Variants in LRRTM4 observed in about 807,000 individuals in gnomAD.
LRRTM4 encodes leucine-rich repeat transmembrane neuronal protein 4.
Under a neutral mutation model 47.6 loss-of-function variants are expected in LRRTM4, and 25 were observed. That is an observed-to-expected ratio of 0.53 (90% CI 0.38 to 0.73). LRRTM4 has a LOEUF of 0.73. Among genes scored for constraint, LRRTM4 ranks in the 30% least tolerant of loss-of-function variants. The pLI is 0.00. For missense variants in LRRTM4, 638 were observed against 713.4 expected, an observed-to-expected ratio of 0.89 and a Z score of 1.20; for synonymous variants, 311 against 269.5, an observed-to-expected ratio of 1.15 and a Z score of -1.51.
chr2:77,058,982 A>G (rs1332123683), intron 3 of LRRTM4, among the ~76,000 whole-genome samples: 3 of 152,130 alleles, frequency 2.0e-5, no homozygotes, highest in East Asian at 1.9e-4. Context: ...GAAATAACCA[A>G]TTTCTAAGTG....
intron 3 of LRRTM4, among the ~76,000 whole-genome samples, chr2:77,152,682 C>A (rs1259618808): frequency 6.6e-6 from 1 of 152,084 alleles, no homozygotes; most frequent in Non-Finnish European, 1.5e-5. Flanking sequence ...AATTATACTT[C>A]AAGGGTTTTC....
At chr2:77,008,963 C>G (rs1367085251) in intron 3 of LRRTM4, 3 of 131,054 alleles carry the variant, frequency 2.3e-5, no homozygotes, top group African/African-American at 8.8e-5. Flanking sequence ...AAAAAAAAAA[C>G]GATGAAATGC....
chr2:76,775,614 T>C (rs1673935610), intron 3 of LRRTM4, among the ~76,000 whole-genome samples: 2 of 152,280 alleles, frequency 1.3e-5, no homozygotes, highest in South Asian at 4.1e-4. Context: ...TGTTTATCTT[T>C]TACCATCAAG....
chr2:77,520,480 G>T (rs1184265991), intron 2 of LRRTM4, among the ~76,000 whole-genome samples: 1 of 152,068 alleles, frequency 6.6e-6, no homozygotes, highest in East Asian at 1.9e-4. Flanking sequence ...ACTAATAACG[G>T]TACGAGGTGC....
intron 3 of LRRTM4, among the ~76,000 whole-genome samples, chr2:77,265,945 T>TA: frequency 6.6e-6 from 1 of 152,324 alleles, no homozygotes; most frequent in South Asian, 2.1e-4. Flanking sequence ...AGCATAACAT[T>TA]ACTTGTTGAA....
At position 77,518,621 on chromosome 2, in the gene LRRTM4, C is replaced by CCAGGAT; in HGVS notation, c.1247_1248insATCCTG (p.Glu416_Tyr417insSerTrp). 1 of 1,613,400 alleles carries CCAGGAT rather than the reference C, an allele frequency of 6.2e-7. No homozygotes were observed. Among genetic ancestry groups the CCAGGAT allele is most frequent in the Non-Finnish European group, 8.5e-7 (1 of 1,179,636 alleles). ...TTTTGTGAAATGAAACATGCTCATACTCTTGCTCTGCGCCAGGAATCTGAA... is the reference window on the plus strand; with the variant it reads ...TTTTGTGAAATGAAACATGCTCATACCAGGATTCTTGCTCTGCGCCAGGAATCTGAA... On this transcript the variant is annotated inframe_insertion, in exon 3 of 4. Transcript: ENST00000409884.
At chr2:77,151,585 T>C (rs1672432395) in intron 3 of LRRTM4, among the ~76,000 whole-genome samples, 1 of 152,216 alleles carries the variant, frequency 6.6e-6, no homozygotes, top group Non-Finnish European at 1.5e-5. Context: ...TACAGTGGAA[T>C]ATTATTCAGC....
intron 3 of LRRTM4, among the ~76,000 whole-genome samples, chr2:76,806,274 C>G (rs1342617519): frequency 6.6e-6 from 1 of 152,122 alleles, no homozygotes; most frequent in East Asian, 1.9e-4. Context: ...ACATCTTAAA[C>G]CAGATGCATA....
intron 3 of LRRTM4, among the ~76,000 whole-genome samples, chr2:77,097,242 T>A (rs1670835265): frequency 6.6e-6 from 1 of 151,962 alleles, no homozygotes. Flanking sequence ...AAATTATTAA[T>A]AATTATAATT....
chr2:77,512,891 T>C (rs572605477), intron 3 of LRRTM4, among the ~76,000 whole-genome samples: 52 of 152,094 alleles, frequency 3.4e-4, no homozygotes, highest in Non-Finnish European at 6.6e-4. Flanking sequence ...CAGCTAATTC[T>C]AGAAAAAGAA....
intron 3 of LRRTM4, among the ~76,000 whole-genome samples, chr2:77,262,777 G>T (rs975308751): frequency 2.0e-5 from 3 of 151,958 alleles, no homozygotes; most frequent in Non-Finnish European, 2.9e-5. Context: ...CAAGAGTACT[G>T]CAATATTGCG....
At chr2:77,227,387 T>A (rs1420016219) in intron 3 of LRRTM4, among the ~76,000 whole-genome samples, 1 of 152,066 alleles carries the variant, frequency 6.6e-6, no homozygotes, top group East Asian at 1.9e-4. Flanking sequence ...AATGATTCAA[T>A]GTAATCTCTA....
At chr2:77,337,604 C>T (rs908365854) in intron 3 of LRRTM4, among the ~76,000 whole-genome samples, 17 of 152,082 alleles carry the variant, frequency 1.1e-4, no homozygotes, top group African/African-American at 4.1e-4. Flanking sequence ...AGCTCCCACT[C>T]TCTTTCCTGC....
In LRRTM4 at chr2:76,794,454, A is replaced by T. The variant is rs577031642; in HGVS notation, c.1552-45538T>A. On this transcript the variant is annotated intron_variant, in intron 3 of 3. Coordinates refer to ENST00000409884, the MANE Select transcript of LRRTM4 (RefSeq NM_001134745.3). ...TTCCAGCTATTTTGTTATAGTTGTG[A>T]ACAATAGTTTTTTCTTTCTTTCAAA... Among the ~76,000 whole-genome samples the T allele has an allele frequency of 6.6e-5, 10 of 152,272 alleles. No homozygotes were observed. The South Asian group carries it at 2.1e-3, about 32-fold the overall frequency.
At chr2:77,216,847 C>T (rs1056546345) in intron 3 of LRRTM4, among the ~76,000 whole-genome samples, 3 of 151,858 alleles carry the variant, frequency 2.0e-5, no homozygotes, top group Non-Finnish European at 4.4e-5. Context: ...CCGAGGCAGG[C>T]AGATCATGAG....
chr2:76,797,878 C>A (rs1366465835), intron 3 of LRRTM4, among the ~76,000 whole-genome samples: 3 of 151,746 alleles, frequency 2.0e-5, no homozygotes, highest in Admixed American at 6.6e-5. Context: ...AAGGCCATTA[C>A]ATGATGGTAA....
intron 3 of LRRTM4, among the ~76,000 whole-genome samples, chr2:77,512,567 C>T (rs1679061938): frequency 1.3e-5 from 2 of 152,142 alleles, no homozygotes; most frequent in South Asian, 4.1e-4. Flanking sequence ...ATACAGGTTG[C>T]TTCTGCTTCA....
At chr2:77,347,245 C>A (rs1054257735) in intron 3 of LRRTM4, among the ~76,000 whole-genome samples, 1 of 152,168 alleles carries the variant, frequency 6.6e-6, no homozygotes, top group African/African-American at 2.4e-5. Flanking sequence ...GATAGCTTCA[C>A]ACTGGTTCAA....
intron 3 of LRRTM4, among the ~76,000 whole-genome samples, chr2:77,051,277 G>C (rs1479393997): frequency 6.6e-6 from 1 of 152,104 alleles, no homozygotes; most frequent in South Asian, 2.1e-4. Context: ...CCCTGCACTA[G>C]AGATATTTAC....
Sources: allele counts gnomAD v4.1 joint callset (sites outside exome capture counted in the v4.1 genomes callset), GRCh38; gene constraint gnomAD v4.1.1; transcripts MANE v1.5; gene names NCBI Gene and HGNC (gene_info 2026-07-23, HGNC 2026-07-21).